Variants in VPS41 observed in about 807,000 individuals in gnomAD.
VPS41 encodes the protein VPS41 subunit of HOPS complex.
A neutral mutation model predicts 130.9 loss-of-function variants in VPS41; 85 were observed. The observed-to-expected ratio is 0.65, with a 90% CI of 0.55 to 0.78. VPS41 has a LOEUF of 0.78. Ranked by LOEUF, VPS41 falls within the 30% of genes least tolerant of loss-of-function variation. The probability of loss-of-function intolerance (pLI) is 0.00; values close to 1 mark genes in which losing one functional copy is unlikely to be tolerated. For missense variants in VPS41, 874 were observed against 1,018.7 expected (o/e 0.86, Z 1.93); for synonymous variants, 335 against 332.9 (o/e 1.01, Z -0.07).
At chr7:38,772,728 C>A in intron 12 of VPS41, 91 bp from the exon 13 acceptor site, 1 of 714,788 alleles carries the variant, frequency 1.4e-6, no homozygotes, top group Non-Finnish European at 2.4e-6. Flanking sequence ...TTACCCAACC[C>A]AAGAGCGAAC....
chr7:38,847,046 C>T (rs959536889), intron 4 of VPS41, among the ~76,000 whole-genome samples: 1 of 151,856 alleles, frequency 6.6e-6, no homozygotes, highest in East Asian at 1.9e-4. Flanking sequence ...TAGACCACAC[C>T]AAAAAAGAAA....
rs577148184 is a variant in VPS41 at position 38,788,961 on chromosome 7, T to C, written c.784+840A>G. Among the ~76,000 whole-genome samples, 15 of 152,328 alleles carry C rather than the reference T, an allele frequency of 9.8e-5. No individual in the cohort carries two copies. In the South Asian group the frequency reaches 2.3e-3, roughly 23 times the overall value. On this transcript the variant is annotated intron_variant, in intron 10 of 28. Transcript: ENST00000310301. Reference sequence around the variant, plus strand: ...CACCTTGGCAGAATAACCCATCAAATTGATATTACCCATCCACCAAGCAAA... The same window carrying C: ...CACCTTGGCAGAATAACCCATCAAACTGATATTACCCATCCACCAAGCAAA...
rs755099163 is a variant in VPS41 at position 38,728,805 on chromosome 7, T to G, written c.2260-14A>C. 6.2e-7 allele frequency: 1 copy of G among 1,612,656 alleles called. No individual in the cohort carries two copies. Among genetic ancestry groups the G allele is most frequent in the Non-Finnish European group, 8.5e-7 (1 of 1,178,832 alleles). ...ACGAAGCAGAATCTAATGCATACAT[T>G]TTAAAAGAAAAGCCATCTTAAGTAG... is the stretch of plus-strand genomic sequence containing the variant. On this transcript the variant is annotated splice_polypyrimidine_tract_variant and intron_variant, in intron 25 of 28. Transcript: ENST00000310301.
chr7:38,816,387 G>A (rs186267821), intron 7 of VPS41, among the ~76,000 whole-genome samples: 99 of 152,178 alleles, frequency 6.5e-4, no homozygotes, highest in African/African-American at 1.5e-3. Context: ...AGGTTTTCCC[G>A]CCCTATCATT....
intron 17 of VPS41, among the ~76,000 whole-genome samples, chr7:38,761,429 C>T (rs1366466334): frequency 5.3e-5 from 8 of 150,690 alleles, no homozygotes; most frequent in African/African-American, 1.7e-4. Flanking sequence ...GTGCATGCCA[C>T]CATGCCTGGT....
At chr7:38,851,380 T>C (rs2116265197) in intron 4 of VPS41, among the ~76,000 whole-genome samples, 1 of 152,346 alleles carries the variant, frequency 6.6e-6, no homozygotes. Context: ...ACAGATTTGT[T>C]TGCATTTTCT....
chr7:38,902,646 C>G (rs1295631248), intron 1 of VPS41, among the ~76,000 whole-genome samples: 1 of 152,152 alleles, frequency 6.6e-6, no homozygotes, highest in Non-Finnish European at 1.5e-5. Flanking sequence ...TGTGCACCAC[C>G]CCCTGCCTGC....
intron 4 of VPS41, among the ~76,000 whole-genome samples, chr7:38,839,937 A>C (rs1252026949): frequency 2.0e-5 from 3 of 152,168 alleles, no homozygotes; most frequent in Non-Finnish European, 2.9e-5. Flanking sequence ...GTAAATGCAA[A>C]AGGGAAGATG....
chr7:38,757,628 C>A (rs1288257121), intron 18 of VPS41, among the ~76,000 whole-genome samples: 1 of 152,116 alleles, frequency 6.6e-6, no homozygotes, highest in Non-Finnish European at 1.5e-5. Context: ...AAATCCAACA[C>A]GTCCAGAGTT....
intron 7 of VPS41, among the ~76,000 whole-genome samples, chr7:38,817,598 A>G (rs931020652): frequency 6.6e-6 from 1 of 152,244 alleles, no homozygotes; most frequent in African/African-American, 2.4e-5. Context: ...ATCCTGGGCG[A>G]CAGAGCAAGA....
At chr7:38,856,890 A>G (rs905643712) in intron 4 of VPS41, among the ~76,000 whole-genome samples, 5 of 152,234 alleles carry the variant, frequency 3.3e-5, no homozygotes, top group African/African-American at 1.2e-4. Flanking sequence ...TTTAGAAGGT[A>G]GTGAGCAGAT....
At chr7:38,756,796 T>C (rs1334063351) in intron 19 of VPS41, 42 bp downstream of exon 19, 2 of 1,339,468 alleles carry the variant, frequency 1.5e-6, no homozygotes, top group South Asian at 1.3e-5. Context: ...ATATTTGGAA[T>C]AGTAAAAATA....
At chr7:38,875,865 T>G (rs1005129858) in intron 2 of VPS41, among the ~76,000 whole-genome samples, 12 of 152,206 alleles carry the variant, frequency 7.9e-5, no homozygotes, top group African/African-American at 2.7e-4. Context: ...AAGGAAAAAA[T>G]ATATTAATTT....
chr7:38,729,928 AT>A (rs537313492), intron 25 of VPS41, among the ~76,000 whole-genome samples: 4 of 151,380 alleles, frequency 2.6e-5, no homozygotes, highest in African/African-American at 7.3e-5. Flanking sequence ...TATTATTATT[AT>A]TTTTTTTTAA....
intron 4 of VPS41, among the ~76,000 whole-genome samples, chr7:38,832,319 C>CTTTTTTTT (rs543207806): frequency 8.1e-4 from 93 of 114,686 alleles, no homozygotes; most frequent in Middle Eastern, 5.4e-3. Flanking sequence ...TTCTTTCTTT[C>CTTTTTTTT]TTTTTTTTTT....
chr7:38,815,630 G>T (rs1011965935), intron 7 of VPS41, among the ~76,000 whole-genome samples: 2 of 152,124 alleles, frequency 1.3e-5, no homozygotes, highest in Non-Finnish European at 2.9e-5. Flanking sequence ...TGAGTTGGTG[G>T]ACTGGGAGAG....
intron 9 of VPS41, among the ~76,000 whole-genome samples, chr7:38,791,959 G>A (rs1036066817): frequency 2.0e-5 from 3 of 152,172 alleles, no homozygotes; most frequent in African/African-American, 7.2e-5. Context: ...AGACACCCCT[G>A]AAAGACAATG....
intron 4 of VPS41, among the ~76,000 whole-genome samples, chr7:38,840,171 C>T (rs1417230229): frequency 6.6e-6 from 1 of 152,254 alleles, no homozygotes; most frequent in East Asian, 1.9e-4. Context: ...CTGACCACTG[C>T]TTCCTTCCAA....
At chr7:38,762,914 A>C (rs1783950805) in intron 17 of VPS41, among the ~76,000 whole-genome samples, 1 of 152,184 alleles carries the variant, frequency 6.6e-6, no homozygotes. Context: ...CCAGATATGA[A>C]ATCAACAGGG....
Sources: allele counts gnomAD v4.1 joint callset (sites outside exome capture counted in the v4.1 genomes callset), GRCh38; gene constraint gnomAD v4.1.1; transcripts MANE v1.5; gene names NCBI Gene and HGNC (gene_info 2026-07-23, HGNC 2026-07-21).